The following TERB2 variants were observed in gnomAD, a reference collection of about 807,000 sequenced individuals.
TERB2 encodes telomere repeats-binding bouquet formation protein 2.
A neutral mutation model predicts 29.8 loss-of-function variants in TERB2; 26 were observed. That is an observed-to-expected ratio of 0.87 (90% CI 0.64 to 1.21). TERB2 has a LOEUF of 1.21. TERB2 is among the 50% of genes most tolerant of loss of function. The pLI, the probability that TERB2 is intolerant of heterozygous loss-of-function variation, is 0.00. For missense variants in TERB2, 240 were observed against 268.6 expected, an observed-to-expected ratio of 0.89 and a Z score of 0.74; for synonymous variants, 80 against 90.8, an observed-to-expected ratio of 0.88 and a Z score of 0.68.
chr15:44,966,141 T>C lies in TERB2; in HGVS notation c.349-17T>C, dbSNP rs753257058. The C allele has an allele frequency of 4.1e-6, 6 of 1,454,986 alleles. No individual in the cohort carries two copies. In the East Asian group the frequency reaches 1.3e-4, roughly 32 times the overall value. 90.1% of individuals were successfully genotyped at this position (1,454,986 alleles called of 1,614,324 possible). ...TATGACGATTTTTTAAAATGTGATT[T>C]ACTTTTCTATCCACAGCATGATGAA... On this transcript the variant is annotated splice_polypyrimidine_tract_variant and intron_variant, in intron 4 of 6. Transcript: ENST00000340827.
chr15:44,962,496 A>G (rs575291616), intron 4 of TERB2, among the ~76,000 whole-genome samples: 1 of 151,922 alleles, frequency 6.6e-6, no homozygotes, highest in Non-Finnish European at 1.5e-5. Context: ...GCCATTTACC[A>G]GTTCTTTACT....
intron 6 of TERB2, among the ~76,000 whole-genome samples, chr15:44,977,891 A>C (rs953929193): frequency 6.6e-6 from 1 of 152,252 alleles, no homozygotes; most frequent in Non-Finnish European, 1.5e-5. Context: ...TTGCTTAGTC[A>C]TAGAGTCCTT....
chr15:44,959,239 C>G (rs1891765728), intron 3 of TERB2, among the ~76,000 whole-genome samples: 2 of 152,082 alleles, frequency 1.3e-5, no homozygotes, highest in Admixed American at 6.6e-5. Context: ...ATTTTTTCAG[C>G]AGCCCTAGGA....
chr15:44,961,084 C>T (rs1566944520), intron 3 of TERB2, among the ~76,000 whole-genome samples: 1 of 150,442 alleles, frequency 6.6e-6, no homozygotes, highest in Non-Finnish European at 1.5e-5. Flanking sequence ...TACATATATA[C>T]ATATACATCT....
Position 44,956,911 on chromosome 15 carries a change from C to T in TERB2, c.80C>T (p.Thr27Met), listed in dbSNP as rs754836260. The change falls in exon 2 of 7, where the codon ACG (threonine) becomes ATG (methionine). Residue 27 changes from threonine to methionine, a missense_variant. Thr to Met is a moderately conservative substitution (Grantham distance 81). Transcript: ENST00000340827. ...ACCTCCACAGTGGCTGAAGGGGGAA[C>T]GATCAGTGACCCGCGAGCCGCCGAC... is the stretch of plus-strand genomic sequence containing the variant. The part of the protein sequence containing the change: ...LRQFWVAEGG[T>M]ISDPRAADFL... 8.1e-6 allele frequency: 13 copies of T among 1,613,794 alleles called. No homozygotes were observed. The South Asian group carries it at 9.9e-5, about 12-fold the overall frequency.
chr15:44,966,604 G>A (rs1340945853), intron 5 of TERB2, among the ~76,000 whole-genome samples: 4 of 152,088 alleles, frequency 2.6e-5, no homozygotes, highest in Non-Finnish European at 5.9e-5. Flanking sequence ...TGTTATGATA[G>A]CAGTTAATAA....
chr15:44,960,575 T>A (rs1566944443), intron 3 of TERB2, among the ~76,000 whole-genome samples: 1 of 152,138 alleles, frequency 6.6e-6, no homozygotes, highest in Non-Finnish European at 1.5e-5. Context: ...TTATTTAACC[T>A]AATATATCTA....
Position 44,956,922 on chromosome 15 carries a change from C to A in TERB2, c.91C>A (p.Pro31Thr), listed in dbSNP as rs1243687493. 6.2e-7 allele frequency: 1 copy of A among 1,613,832 alleles called. No individual in the cohort carries two copies. Among genetic ancestry groups the A allele is most frequent in the African/African-American group, 1.3e-5 (1 of 74,884 alleles). The change falls in exon 2 of 7, where the codon CCG becomes ACG. Residue 31 changes from proline to threonine, a missense_variant. Physicochemically the swap from Pro to Thr is conservative, Grantham distance 38 (BLOSUM62 -1). Transcript: ENST00000340827. ...WVAEGGTISD[P>T]RAADFLFSCD... ...GGCTGAAGGGGGAACGATCAGTGAC[C>A]CGCGAGCCGCCGACTTCTTGTTCAG...
chr15:44,958,404 A>T lies in TERB2; in HGVS notation c.178A>T (p.Asn60Tyr). 6.2e-7 allele frequency: 1 copy of T among 1,613,868 alleles called. No homozygotes were observed. The highest frequency in any genetic ancestry group is 8.5e-7 in the Non-Finnish European group (1 of 1,179,976). ...IYQSLDYIED[N>Y]ATVFHAYYLS... ...TCAGAGCCTTGATTACATAGAAGAT[A>T]ATGCTACAGTTTTTCATGCCTACTA... Residue 60 changes from asparagine to tyrosine, a missense_variant, in exon 3 of 7, where the codon AAT becomes TAT. By Grantham distance (143) the Asn-to-Tyr change is moderately radical (BLOSUM62 -2). Transcript: ENST00000340827.
In TERB2 at chr15:44,976,541, C is replaced by T. The variant is rs138408602; in HGVS notation, c.524-1948C>T. 3.5e-3 allele frequency among the ~76,000 whole-genome samples: 538 copies of T among 152,274 alleles called. 2 individuals carry two copies. The highest frequency in any genetic ancestry group is 5.6e-3 in the Admixed American group (85 of 15,298). On this transcript the variant is annotated intron_variant, in intron 6 of 6. Coordinates refer to ENST00000340827, the MANE Select transcript of TERB2 (RefSeq NM_152448.3). ...AGAAAAAAAGCCATAGTCTTTTTTACATCCGACTCTCAGAAGTGACATTGC... is the reference window on the plus strand; with the variant it reads ...AGAAAAAAAGCCATAGTCTTTTTTATATCCGACTCTCAGAAGTGACATTGC...
At chr15:44,963,101 T>A (rs1404388690) in intron 4 of TERB2, among the ~76,000 whole-genome samples, 4 of 152,184 alleles carry the variant, frequency 2.6e-5, no homozygotes, top group Admixed American at 6.5e-5. Flanking sequence ...TCACCATTTT[T>A]AAAACCCTCA....
intron 3 of TERB2, among the ~76,000 whole-genome samples, chr15:44,958,853 C>T (rs1891761291): frequency 6.6e-6 from 1 of 152,110 alleles, no homozygotes; most frequent in African/African-American, 2.4e-5. Context: ...GATCATTTAG[C>T]AAGTTACTTT....
rs556588545 is a variant in TERB2 at position 44,960,711 on chromosome 15, A to G, written c.287-812A>G. Among the ~76,000 whole-genome samples the G allele has an allele frequency of 2.6e-5, 4 of 152,250 alleles. No individual in the cohort carries two copies. The East Asian group carries it at 5.8e-4, about 22-fold the overall frequency. On this transcript the variant is annotated intron_variant, in intron 3 of 6. Transcript: ENST00000340827. ...ACCTCTCAATTTGGATTAACCACAC[A>G]TTTCCAGTGCTCAGTACCTACATGT...
chr15:44,957,262 T>C (rs1202815649), intron 2 of TERB2, among the ~76,000 whole-genome samples: 1 of 150,470 alleles, frequency 6.6e-6, no homozygotes, highest in Non-Finnish European at 1.5e-5. Flanking sequence ...AAATAAAAAA[T>C]AAATAAATAA....
chr15:44,957,023 G>T, intron 2 of TERB2, 46 bp downstream of exon 2: 1 of 1,561,876 alleles, frequency 6.4e-7, no homozygotes, highest in Non-Finnish European at 8.8e-7. Flanking sequence ...GGATGAGCCG[G>T]GAGTTAGGGA....
chr15:44,970,044 G>A (rs1330080698), intron 5 of TERB2: 2 of 151,790 alleles, frequency 1.3e-5, no homozygotes, highest in African/African-American at 4.9e-5. Context: ...TCTTATAAAG[G>A]AAATTTTTAT....
chr15:44,978,501 T>A lies in TERB2; in HGVS notation c.536T>A (p.Ile179Asn). 3.1e-6 allele frequency: 5 copies of A among 1,603,664 alleles called. No homozygotes were observed. Among genetic ancestry groups the A allele is most frequent in the Non-Finnish European group, 4.3e-6 (5 of 1,175,134 alleles). The stretch of plus-strand genomic sequence containing the variant: ...TTTTATTTTGTAGGTTATATATCAA[T>A]TGATGCCATGAAGAAATTCCTTGGG... ...VNNMVTGYIS[I>N]DAMKKFLGEL... The change falls in exon 7 of 7, where the codon ATT (isoleucine) becomes AAT (asparagine). Residue 179 changes from isoleucine to asparagine, a missense_variant. Physicochemically the swap from Ile to Asn is moderately radical, Grantham distance 149. Coordinates refer to ENST00000340827, the MANE Select transcript of TERB2 (RefSeq NM_152448.3).
chr15:44,965,613 T>A (rs1208767342), intron 4 of TERB2, among the ~76,000 whole-genome samples: 1 of 145,116 alleles, frequency 6.9e-6, no homozygotes, highest in Non-Finnish European at 1.5e-5. Flanking sequence ...ATTTAATAGA[T>A]ATATAAATAT....
intron 5 of TERB2, chr15:44,970,092 T>G (rs1891946727): frequency 6.5e-6 from 1 of 153,166 alleles, no homozygotes; most frequent in Admixed American, 6.5e-5. Context: ...GCACATTGGT[T>G]AGAAGGCAAA....
Sources: gnomAD v4.1 joint callset for allele counts (sites outside exome capture counted in the v4.1 genomes callset) on GRCh38, gnomAD v4.1.1 for gene constraint, MANE v1.5 for transcripts, NCBI Gene and HGNC (gene_info 2026-07-23, HGNC 2026-07-21) for gene names.